SYNE2: variants seen among roughly 807,000 people sequenced by gnomAD.
SYNE2 encodes spectrin repeat containing nuclear envelope protein 2.
A neutral mutation model predicts 856.3 loss-of-function variants in SYNE2; 431 were observed. The ratio of observed to expected loss-of-function variants is 0.50; its 90% confidence interval spans 0.47 to 0.55. The LOEUF is 0.55. Among genes scored for constraint, SYNE2 ranks in the 20% least tolerant of loss-of-function variants. The pLI is 0.00. For synonymous variants in SYNE2, 2,923 were observed against 2,872.3 expected (o/e 1.02, Z -0.56); for missense variants, 8,129 against 8,023.2 (o/e 1.01, Z -0.50).
intron 1 of SYNE2, among the ~76,000 whole-genome samples, chr14:63,811,298 C>T (rs1297956564): frequency 6.6e-6 from 1 of 152,090 alleles, no homozygotes; most frequent in Non-Finnish European, 1.5e-5. Flanking sequence ...CTCTGTCACC[C>T]AGGCTGGAGT....
intron 76 of SYNE2, 60 bp downstream of exon 76, chr14:64,130,308 G>T: frequency 7.2e-7 from 1 of 1,393,494 alleles, no homozygotes; most frequent in Non-Finnish European, 1.0e-6. Context: ...AGGTATTTCT[G>T]AATGTGAACA....
rs142248981 is a variant in SYNE2 at position 63,818,701 on chromosome 14, C to CTT, written c.-304-33786_-304-33785dup. ...CCATTCTCATACATTTTTTTCTTTT[C>CTT]TTTTTTTTTTTTTTTGAGATGGAGT... On this transcript the variant is annotated intron_variant, in intron 1 of 23. Coordinates refer to the SYNE2 transcript ENST00000674003. Among the ~76,000 whole-genome samples the CTT allele has an allele frequency of 1.7e-3, 222 of 133,790 alleles. 1 individual carries two copies. Among genetic ancestry groups the CTT allele is most frequent in the Non-Finnish European group, 2.5e-3 (156 of 63,650 alleles). 87.8% of individuals were successfully genotyped at this position (133,790 alleles called of 152,430 possible). A position where few individuals can be genotyped will look rare whatever the true frequency, so the allele number is the denominator to read the frequency against.
intron 84 of SYNE2, among the ~76,000 whole-genome samples, chr14:64,151,315 C>A (rs1331265666): frequency 6.6e-6 from 1 of 151,306 alleles, no homozygotes; most frequent in African/African-American, 2.4e-5. Context: ...CACAAGGGAG[C>A]TTGTCCCTCC....
intron 70 of SYNE2, 133 bp from the exon 71 acceptor site, chr14:64,124,946 T>C: frequency 9.2e-7 from 1 of 1,087,432 alleles, no homozygotes; most frequent in Non-Finnish European, 1.3e-6. Flanking sequence ...GAGGTTTCAG[T>C]GAGAGGAGAT....
chr14:63,766,294 G>A (rs1886684020), intron 1 of SYNE2, among the ~76,000 whole-genome samples: 1 of 152,028 alleles, frequency 6.6e-6, no homozygotes, highest in African/African-American at 2.4e-5. Context: ...TGGCCAGGCT[G>A]GTCTTGAACC....
intron 111 of SYNE2, 123 bp downstream of exon 111, chr14:64,220,760 C>A: frequency 8.6e-7 from 1 of 1,162,158 alleles, no homozygotes; most frequent in Non-Finnish European, 1.2e-6. Context: ...TGTCAGGAAA[C>A]ATGTGCTTTA....
At chr14:64,108,080 G>A (rs1000378183) in intron 65 of SYNE2, among the ~76,000 whole-genome samples, 1 of 152,210 alleles carries the variant, frequency 6.6e-6, no homozygotes, top group Non-Finnish European at 1.5e-5. Flanking sequence ...CAGGCATGGT[G>A]GCTCAAGCCT....
chr14:63,922,507 T>C (rs2095612427), intron 2 of SYNE2, among the ~76,000 whole-genome samples: 1 of 152,186 alleles, frequency 6.6e-6, no homozygotes. Context: ...TTTCTTAAGA[T>C]AGCCATGTGT....
chr14:63,762,501 T>G (rs938518028), intron 1 of SYNE2, among the ~76,000 whole-genome samples: 1 of 151,706 alleles, frequency 6.6e-6, no homozygotes, highest in African/African-American at 2.4e-5. Flanking sequence ...AACTTTTTTT[T>G]TTTTGGACAA....
At chr14:64,069,598 A>T (rs1347668045) in intron 51 of SYNE2, among the ~76,000 whole-genome samples, 1 of 152,206 alleles carries the variant, frequency 6.6e-6, no homozygotes, top group Non-Finnish European at 1.5e-5. Flanking sequence ...AGTAATCCCA[A>T]GGATAGCATA....
intron 101 of SYNE2, chr14:64,209,151 T>A (rs2098626521): frequency 1.2e-6 from 1 of 851,620 alleles, no homozygotes; most frequent in Non-Finnish European, 1.8e-6. Flanking sequence ...GTGTGGGGTG[T>A]GGCTGTGGAC....
rs1045480445 is a variant in SYNE2 at position 64,120,865 on chromosome 14, T to A, written c.13024-62T>A. 5 of 1,575,224 alleles carry A rather than the reference T, an allele frequency of 3.2e-6. No homozygotes were observed. In the African/African-American group the frequency reaches 6.8e-5, roughly 21 times the overall value. On this transcript the variant is annotated intron_variant, in intron 67 of 115. Transcript: ENST00000555002. ...TTTCTATGTAGTCCCATTATTAGAA[T>A]TGAGATAAAGTGGAGTTTATTTTTA...
At chr14:63,883,887 G>C (rs2094922867) in intron 1 of SYNE2, among the ~76,000 whole-genome samples, 1 of 146,108 alleles carries the variant, frequency 6.8e-6, no homozygotes, top group African/African-American at 2.5e-5. Context: ...TTTTTGCATG[G>C]GTGTGAGGGG....
chr14:63,785,481 CAAAA>C (rs200802487), intron 1 of SYNE2, among the ~76,000 whole-genome samples: 2 of 151,370 alleles, frequency 1.3e-5, no homozygotes, highest in African/African-American at 4.9e-5. Flanking sequence ...AACAAACAAA[CAAAA>C]AAAACACCTG....
At chr14:63,994,902 C>A in intron 22 of SYNE2, 142 bp from the exon 23 acceptor site, 1 of 526,888 alleles carries the variant, frequency 1.9e-6, no homozygotes, top group Non-Finnish European at 3.2e-6. Flanking sequence ...ACATCTCCCC[C>A]CAAAATACAT....
At chr14:63,775,743 G>A (rs1887085539) in intron 1 of SYNE2, among the ~76,000 whole-genome samples, 1 of 152,064 alleles carries the variant, frequency 6.6e-6, no homozygotes, top group Admixed American at 6.6e-5. Flanking sequence ...CACCGCCCCT[G>A]GCTAATTTTG....
chr14:64,098,811 T>C lies in SYNE2; in HGVS notation c.12371T>C (p.Val4124Ala). Residue 4124 changes from valine (V) to alanine (A), a missense_variant, in exon 63 of 116, where the codon GTG (valine) becomes GCG (alanine). By Grantham distance (64) the Val-to-Ala change is moderately conservative. Transcript: ENST00000555002. The part of the protein sequence containing the change: ...AVEEEVEESS[V>A]KSDNGDEKAE... The stretch of plus-strand genomic sequence containing the variant: ...GAGGAAGAGGTGGAAGAAAGTTCCG[T>C]GAAGAGCGATGTAAGGGAAATGATT... 6.2e-7 allele frequency: 1 copy of C among 1,614,052 alleles called. No homozygotes were observed. Among genetic ancestry groups the C allele is most frequent in the Non-Finnish European group, 8.5e-7 (1 of 1,180,002 alleles).
At chr14:63,864,744 G>T (rs1299253463) in intron 1 of SYNE2, among the ~76,000 whole-genome samples, 3 of 152,134 alleles carry the variant, frequency 2.0e-5, no homozygotes, top group African/African-American at 4.8e-5. Flanking sequence ...GACTGGGAGT[G>T]GGGGTAAAAA....
intron 50 of SYNE2, among the ~76,000 whole-genome samples, chr14:64,063,236 C>T (rs1225056547): frequency 2.6e-5 from 4 of 152,068 alleles, no homozygotes; most frequent in East Asian, 1.9e-4. Flanking sequence ...TTAGTAGAGA[C>T]GGGGTTTCAC....
Sources: allele counts gnomAD v4.1 joint callset (sites outside exome capture counted in the v4.1 genomes callset), GRCh38; gene constraint gnomAD v4.1.1; transcripts MANE v1.5; gene names NCBI Gene and HGNC (gene_info 2026-07-23, HGNC 2026-07-21).